The following ZDHHC13 variants were observed in gnomAD, a reference collection of about 807,000 sequenced individuals.
The protein encoded by ZDHHC13 is palmitoyltransferase ZDHHC13.
In ZDHHC13, 85 loss-of-function variants were observed where a neutral mutation model predicts 86.0. The ratio of observed to expected loss-of-function variants is 0.99; its 90% CI spans 0.83 to 1.18. ZDHHC13 has a LOEUF of 1.18. ZDHHC13 is among the 50% of genes most tolerant of loss of function. ZDHHC13 has a pLI of 0.00. For synonymous variants in ZDHHC13, 263 were observed against 246.4 expected (o/e 1.07, Z -0.63); for missense variants, 711 against 730.2 (o/e 0.97, Z 0.30).
rs374700700 is a variant in ZDHHC13 at position 19,147,674 on chromosome 11, G to A, written c.374+1G>A. On this transcript the variant is annotated splice_donor_variant, in intron 4 of 16. Coordinates refer to ENST00000446113, the MANE Select transcript of ZDHHC13 (RefSeq NM_019028.3). LOFTEE classifies it high-confidence loss of function. ...CAACTCCTCTTCACTGGGCCATCCGGTAAGGTTTCTTTGAACACTGAAATT... is the reference window on the plus strand; with the variant it reads ...CAACTCCTCTTCACTGGGCCATCCGATAAGGTTTCTTTGAACACTGAAATT... The A allele has an allele frequency of 2.4e-5, 39 of 1,593,690 alleles. No individual in the cohort carries two copies. The African/African-American group carries it at 4.8e-4, about 20-fold the overall frequency.
At chr11:19,141,106 G>A (rs1334862952) in intron 1 of ZDHHC13, among the ~76,000 whole-genome samples, 1 of 151,598 alleles carries the variant, frequency 6.6e-6, no homozygotes, top group Non-Finnish European at 1.5e-5. Context: ...ACTGATTCAG[G>A]GAGGTTTCTC....
At chr11:19,137,103 T>C (rs1457667803) in intron 1 of ZDHHC13, among the ~76,000 whole-genome samples, 1 of 152,066 alleles carries the variant, frequency 6.6e-6, no homozygotes, top group Non-Finnish European at 1.5e-5. Flanking sequence ...AATGCTCCAA[T>C]TAAAAGGCAC....
intron 2 of ZDHHC13, among the ~76,000 whole-genome samples, chr11:19,143,942 A>G (rs1217095527): frequency 3.3e-5 from 5 of 152,342 alleles, no homozygotes; most frequent in African/African-American, 9.6e-5. Context: ...AATCATGCCA[A>G]TCTAATCAGC....
intron 14 of ZDHHC13, chr11:19,168,891 A>C: frequency 1.0e-6 from 1 of 985,338 alleles, no homozygotes; most frequent in Non-Finnish European, 1.2e-6. Flanking sequence ...ACAGAAAGAA[A>C]GATTGTAGAT....
intron 9 of ZDHHC13, 22 bp downstream of exon 9, chr11:19,155,951 A>G: frequency 1.3e-6 from 2 of 1,585,028 alleles, no homozygotes; most frequent in Non-Finnish European, 1.7e-6. Flanking sequence ...AATTTTTGCA[A>G]GGCTGGTTAT....
At position 19,146,086 on chromosome 11, in the gene ZDHHC13, G is replaced by A; in HGVS notation, c.174-95G>A. On this transcript the variant is annotated intron_variant, in intron 2 of 16. Transcript: ENST00000446113. ...ATATTTCTGTATTGACTGAAAGGCA[G>A]TTTGGATAGTGAAAAGATATAGTAA... 8 of 1,269,618 alleles carry A rather than the reference G, an allele frequency of 6.3e-6. 1 individual carries two copies. In the South Asian group the frequency reaches 1.2e-4, roughly 20 times the overall value. The allele number at this position is 1,269,618 out of a possible 1,614,324, so 78.6% of individuals were successfully genotyped here.
At chr11:19,126,234 C>G (rs189185745) in intron 1 of ZDHHC13, among the ~76,000 whole-genome samples, 1 of 152,130 alleles carries the variant, frequency 6.6e-6, no homozygotes, top group African/African-American at 2.4e-5. Context: ...AAGTATTAAG[C>G]CTAGTACCCA....
intron 1 of ZDHHC13, among the ~76,000 whole-genome samples, chr11:19,119,316 A>G (rs2133351040): frequency 6.6e-6 from 1 of 152,280 alleles, no homozygotes; most frequent in South Asian, 2.1e-4. Flanking sequence ...CATGTTGGCC[A>G]GGATGGTCTC....
chr11:19,171,387 G>GT (rs1850216693), intron 15 of ZDHHC13, among the ~76,000 whole-genome samples: 1 of 151,888 alleles, frequency 6.6e-6, no homozygotes, highest in East Asian at 1.9e-4. Context: ...CCAAAGCAAA[G>GT]TATATTCCAC....
In ZDHHC13 at chr11:19,175,802, C is replaced by CTTTTTTTTTTT; in HGVS notation, c.1731-19_1731-9dup. The CTTTTTTTTTTT allele has an allele frequency of 1.6e-6, 2 of 1,244,348 alleles. No homozygotes were observed. Among genetic ancestry groups the CTTTTTTTTTTT allele is most frequent in the Admixed American group, 2.1e-5 (1 of 47,624 alleles). The allele number at this position is 1,244,348 out of a possible 1,614,324, so 77.1% of individuals were successfully genotyped here. A position where few individuals can be genotyped will look rare whatever the true frequency, so the allele number is the denominator to read the frequency against. ...CAGGAAATATAGTAAGACATGTTCTCTTTTTTTTTTTCTTGGCAGTCTTGG... is the reference window on the plus strand; with the variant it reads ...CAGGAAATATAGTAAGACATGTTCTCTTTTTTTTTTTTTTTTTTTTTTCTTGGCAGTCTTGG... On this transcript the variant is annotated intron_variant, in intron 16 of 16. Coordinates refer to ENST00000446113, the MANE Select transcript of ZDHHC13 (RefSeq NM_019028.3).
intron 13 of ZDHHC13, among the ~76,000 whole-genome samples, chr11:19,165,855 C>A (rs1327838786): frequency 6.6e-6 from 1 of 152,238 alleles, no homozygotes; most frequent in Non-Finnish European, 1.5e-5. Flanking sequence ...TCCCTTACTT[C>A]TGTCACAGGA....
intron 2 of ZDHHC13, among the ~76,000 whole-genome samples, chr11:19,144,650 C>T (rs1231963307): frequency 2.6e-5 from 4 of 152,004 alleles, no homozygotes; most frequent in African/African-American, 4.8e-5. Flanking sequence ...CACACACACA[C>T]GCGTGTATTT....
intron 1 of ZDHHC13, among the ~76,000 whole-genome samples, chr11:19,136,102 G>A (rs1173421048): frequency 6.6e-6 from 1 of 152,218 alleles, no homozygotes; most frequent in African/African-American, 2.4e-5. Flanking sequence ...AGAGAAGAAG[G>A]CTTCAGACGA....
intron 1 of ZDHHC13, 65 bp from the exon 2 acceptor site, chr11:19,142,913 T>G: frequency 6.8e-7 from 1 of 1,462,308 alleles, no homozygotes; most frequent in Non-Finnish European, 9.2e-7. Context: ...TAGCAAATGC[T>G]TCATTATGTA....
intron 1 of ZDHHC13, among the ~76,000 whole-genome samples, chr11:19,136,331 A>G (rs960425675): frequency 2.6e-5 from 4 of 152,210 alleles, no homozygotes; most frequent in African/African-American, 9.6e-5. Flanking sequence ...CAGTGATGGA[A>G]GATGAAGTGA....
intron 1 of ZDHHC13, among the ~76,000 whole-genome samples, chr11:19,131,240 G>A (rs1392563433): frequency 6.6e-6 from 1 of 152,072 alleles, no homozygotes; most frequent in Non-Finnish European, 1.5e-5. Context: ...GGCTGGTCTC[G>A]AACTCCTGTC....
chr11:19,160,036 C>T (rs990624100), intron 10 of ZDHHC13, among the ~76,000 whole-genome samples: 12 of 151,922 alleles, frequency 7.9e-5, no homozygotes, highest in Admixed American at 5.9e-4. Flanking sequence ...ATAGCATTTC[C>T]GAAAAGAAAG....
At chr11:19,148,481 T>C (rs1026795601) in intron 4 of ZDHHC13, 1 of 152,084 alleles carries the variant, frequency 6.6e-6, no homozygotes, top group African/African-American at 2.4e-5. Flanking sequence ...AGTAAACCCA[T>C]AGTTTATGAA....
At chr11:19,145,362 C>T (rs1024893873) in intron 2 of ZDHHC13, among the ~76,000 whole-genome samples, 1 of 152,128 alleles carries the variant, frequency 6.6e-6, no homozygotes, top group Admixed American at 6.5e-5. Context: ...CACTCTCTGT[C>T]CTCACCCTGC....
Sources: allele counts gnomAD v4.1 joint callset (sites outside exome capture counted in the v4.1 genomes callset), GRCh38; gene constraint gnomAD v4.1.1; transcripts MANE v1.5; gene names NCBI Gene and HGNC (gene_info 2026-07-23, HGNC 2026-07-21).